Variants in PEX7 observed in about 807,000 individuals in gnomAD.
PEX7 encodes the protein PTS2 receptor.
Under a neutral mutation model 47.5 loss-of-function variants are expected in PEX7, and 34 were observed. That is an observed-to-expected ratio of 0.72 (90% CI 0.54 to 0.95). The LOEUF is 0.95. Ranked by LOEUF, PEX7 falls within the 40% of genes least tolerant of loss-of-function variation. The pLI is 0.00. For synonymous variants in PEX7, 141 were observed against 148.8 expected (o/e 0.95, Z 0.38); for missense variants, 394 against 400.3 (o/e 0.98, Z 0.13).
intron 3 of PEX7, among the ~76,000 whole-genome samples, chr6:136,828,469 A>G (rs754158796): frequency 2.6e-5 from 4 of 152,210 alleles, no homozygotes; most frequent in Non-Finnish European, 4.4e-5. Flanking sequence ...TCTACCTTCT[A>G]TAGCAACCAA....
intron 5 of PEX7, among the ~76,000 whole-genome samples, chr6:136,865,996 T>C (rs960158260): frequency 6.6e-6 from 1 of 151,940 alleles, no homozygotes; most frequent in African/African-American, 2.4e-5. Context: ...GGCAGGAGAA[T>C]CACCTGAACC....
chr6:136,884,543 T>A (rs1371322060), intron 8 of PEX7, among the ~76,000 whole-genome samples: 1 of 152,176 alleles, frequency 6.6e-6, no homozygotes, highest in Non-Finnish European at 1.5e-5. Flanking sequence ...CAAATTTAAT[T>A]TTAAAATTGT....
intron 3 of PEX7, among the ~76,000 whole-genome samples, chr6:136,833,307 G>T (rs945186574): frequency 5.3e-5 from 8 of 152,070 alleles, no homozygotes; most frequent in Admixed American, 1.3e-4. Flanking sequence ...AACAGCATGG[G>T]GGAAACTGCA....
Position 136,825,045 on chromosome 6 carries a change from A to G in PEX7, c.131-169A>G, listed in dbSNP as rs139835052. 4.6e-3 allele frequency among the ~76,000 whole-genome samples: 708 copies of G among 152,354 alleles called. 3 individuals carry two copies. Among genetic ancestry groups the G allele is most frequent in the African/African-American group, 0.016 (654 of 41,564 alleles). On this transcript the variant is annotated intron_variant, in intron 1 of 9. Transcript: ENST00000318471. ...AACACATTTGGTATTCATGTCCCAA[A>G]AACTTTAGGGAGAAATTGATCACCT...
chr6:136,841,202 C>T (rs1198143391), intron 3 of PEX7, among the ~76,000 whole-genome samples: 3 of 152,156 alleles, frequency 2.0e-5, no homozygotes, highest in African/African-American at 4.8e-5. Flanking sequence ...GTTTCTCAAA[C>T]ATCTCTCTGG....
Position 136,872,196 on chromosome 6 carries a change from A to G in PEX7, c.748-2A>G, listed in dbSNP as rs778862698. ...GTTTTTTTTTTCTTTTTTTTTTTGT[A>G]GTTTTCACCATTTCATGCTTCTGTG... On this transcript the variant is annotated splice_acceptor_variant, in intron 7 of 9. Coordinates refer to ENST00000318471, the MANE Select transcript of PEX7 (RefSeq NM_000288.4). LOFTEE classifies it high-confidence loss of function. 1 of 1,564,744 alleles carries G rather than the reference A, an allele frequency of 6.4e-7. No homozygotes were observed. Among genetic ancestry groups the G allele is most frequent in the Non-Finnish European group, 8.6e-7 (1 of 1,160,000 alleles).
At chr6:136,839,187 AAG>A (rs1209658301) in intron 3 of PEX7, among the ~76,000 whole-genome samples, 1 of 152,198 alleles carries the variant, frequency 6.6e-6, no homozygotes, top group African/African-American at 2.4e-5. Context: ...CCTGTCTCAA[AAG>A]AGAAAAAAAA....
chr6:136,826,220 TA>T, intron 2 of PEX7, 98 bp from the exon 3 acceptor site: 1 of 1,335,500 alleles, frequency 7.5e-7, no homozygotes, highest in Non-Finnish European at 1.1e-6. Flanking sequence ...AAATGTGTGA[TA>T]AATTGAAAGA....
chr6:136,888,166 A>G (rs1192500061), intron 8 of PEX7, among the ~76,000 whole-genome samples: 1 of 152,142 alleles, frequency 6.6e-6, no homozygotes, highest in African/African-American at 2.4e-5. Flanking sequence ...AACTTTGCCT[A>G]GTCCCCGTTA....
intron 5 of PEX7, among the ~76,000 whole-genome samples, chr6:136,854,282 C>T (rs904623064): frequency 4.3e-4 from 66 of 152,184 alleles, no homozygotes; most frequent in African/African-American, 1.4e-3. Context: ...CTGCAACCTC[C>T]GCCTCCCGGG....
chr6:136,890,303 G>A (rs961019603), intron 8 of PEX7, among the ~76,000 whole-genome samples: 20 of 152,264 alleles, frequency 1.3e-4, no homozygotes, highest in African/African-American at 4.8e-4. Flanking sequence ...ACCATCCTTA[G>A]ATAGCTTAAA....
intron 8 of PEX7, among the ~76,000 whole-genome samples, chr6:136,885,321 C>CT (rs1775450557): frequency 6.6e-6 from 1 of 152,124 alleles, no homozygotes; most frequent in African/African-American, 2.4e-5. Context: ...ACCTTTAAAA[C>CT]TTTTTTATCA....
intron 3 of PEX7, among the ~76,000 whole-genome samples, chr6:136,838,652 G>A (rs1562731538): frequency 6.6e-6 from 1 of 152,110 alleles, no homozygotes; most frequent in Admixed American, 6.6e-5. Context: ...AAATTGGCCT[G>A]TGCTTATGTA....
Position 136,850,722 on chromosome 6 carries a change from C to T in PEX7, c.526+4541C>T, listed in dbSNP as rs538463631. On this transcript the variant is annotated intron_variant, in intron 5 of 9. Coordinates refer to ENST00000318471, the MANE Select transcript of PEX7 (RefSeq NM_000288.4). The stretch of plus-strand genomic sequence containing the variant: ...ACACTGTTTCAGAACCTGTGAGACA[C>T]GCATCTGCTTGTCAATGAGCAGGTT... Among the ~76,000 whole-genome samples the T allele has an allele frequency of 6.8e-4, 103 of 152,208 alleles. 2 individuals carry two copies. The highest frequency in any genetic ancestry group is 2.1e-3 in the African/African-American group (89 of 41,546).
intron 8 of PEX7, among the ~76,000 whole-genome samples, chr6:136,880,120 C>T (rs540717693): frequency 4.6e-4 from 69 of 150,714 alleles, no homozygotes; most frequent in Non-Finnish European, 9.0e-4. Context: ...TTTTCTACTT[C>T]ACTATTTTTT....
At chr6:136,874,650 C>T (rs1775238595) in intron 8 of PEX7, among the ~76,000 whole-genome samples, 1 of 131,528 alleles carries the variant, frequency 7.6e-6, no homozygotes, top group Non-Finnish European at 1.6e-5. Context: ...GCCTGGGTGA[C>T]AGAGTGAGAC....
intron 3 of PEX7, among the ~76,000 whole-genome samples, chr6:136,832,213 A>G (rs1346229574): frequency 6.6e-6 from 1 of 152,244 alleles, no homozygotes; most frequent in Non-Finnish European, 1.5e-5. Context: ...CCAACACCAC[A>G]TGGAAGCTGC....
intron 2 of PEX7, among the ~76,000 whole-genome samples, chr6:136,825,485 GA>G: frequency 6.6e-6 from 1 of 152,216 alleles, no homozygotes; most frequent in Non-Finnish European, 1.5e-5. Flanking sequence ...TTGAGGCCGG[GA>G]GTTCAAGACC....
In PEX7 at chr6:136,900,686, C is replaced by T. The variant is rs756601371; in HGVS notation, c.903+2445C>T. 1.1e-4 allele frequency: 39 copies of T among 347,726 alleles called. No homozygotes were observed. Among genetic ancestry groups the T allele is most frequent in the Non-Finnish European group, 1.8e-4 (33 of 180,186 alleles). 21.5% of individuals were successfully genotyped at this position (347,726 alleles called of 1,614,324 possible). A position where few individuals can be genotyped will look rare whatever the true frequency, so the allele number is the denominator to read the frequency against. ...AGGAAGACAACCAGCTTGATGGGATCCACGTCATGTGCAGTCACCGCCAGC... is the reference window on the plus strand; with the variant it reads ...AGGAAGACAACCAGCTTGATGGGATTCACGTCATGTGCAGTCACCGCCAGC... On this transcript the variant is annotated intron_variant, in intron 9 of 9. Coordinates refer to ENST00000318471, the MANE Select transcript of PEX7 (RefSeq NM_000288.4). The surrounding 1 kb of genome is among the most constrained non-coding windows in gnomAD (Gnocchi z 4.2).
Sources: allele counts gnomAD v4.1 joint callset (sites outside exome capture counted in the v4.1 genomes callset), GRCh38; gene constraint gnomAD v4.1.1; non-coding constraint Gnocchi (gnomAD v3.1); transcripts MANE v1.5; gene names NCBI Gene and HGNC (gene_info 2026-07-23, HGNC 2026-07-21).